The following ZRANB3 variants were observed in gnomAD, a reference collection of about 807,000 sequenced individuals.
The protein encoded by ZRANB3 is DNA annealing helicase and endonuclease ZRANB3.
Under a neutral mutation model 133.8 loss-of-function variants are expected in ZRANB3, and 125 were observed. The observed-to-expected ratio is 0.93, with a 90% confidence interval of 0.81 to 1.08. The LOEUF (loss-of-function observed/expected upper bound fraction) is 1.08, where lower values mean the gene tolerates loss of function less well. Among genes scored for constraint, ZRANB3 ranks in the 50% least tolerant of loss-of-function variants. The probability of loss-of-function intolerance (pLI) is 0.00; values close to 1 mark genes in which losing one functional copy is unlikely to be tolerated. For synonymous variants in ZRANB3, 387 were observed against 432.7 expected (o/e 0.89, Z 1.31); for missense variants, 1,229 against 1,275.5 (o/e 0.96, Z 0.56).
intron 2 of ZRANB3, among the ~76,000 whole-genome samples, chr2:135,421,576 T>C (rs563083365): frequency 6.6e-6 from 1 of 152,254 alleles, no homozygotes; most frequent in East Asian, 1.9e-4. Context: ...GACTCCTTCC[T>C]CCCTCTTCCA....
chr2:135,455,171 C>CTTTTTTTTTTTTTT lies in ZRANB3; in HGVS notation c.161+49144_161+49157dup, dbSNP rs1166170814. Among the ~76,000 whole-genome samples, 14 of 37,594 alleles carry CTTTTTTTTTTTTTT rather than the reference C, an allele frequency of 3.7e-4. 1 individual carries two copies. Among genetic ancestry groups the CTTTTTTTTTTTTTT allele is most frequent in the South Asian group, 1.4e-3 (1 of 722 alleles). The allele number at this position is 37,594 out of a possible 152,430, so 24.7% of individuals were successfully genotyped here. Reference sequence around the variant, plus strand: ...AATGGGATCACAATGCCTTCTTATACTTTTTTTTTTTTTTTTTTTTTTTTT... The same window carrying CTTTTTTTTTTTTTT: ...AATGGGATCACAATGCCTTCTTATACTTTTTTTTTTTTTTTTTTTTTTTTTTTTTTTTTTTTTTT... On this transcript the variant is annotated intron_variant, in intron 2 of 20. Coordinates refer to ENST00000264159, the MANE Select transcript of ZRANB3 (RefSeq NM_032143.4).
rs184269148 is a variant in ZRANB3 at position 135,447,071 on chromosome 2, C to A, written c.162-56251G>T. Among the ~76,000 whole-genome samples the A allele has an allele frequency of 3.9e-5, 6 of 152,102 alleles. No homozygotes were observed. The East Asian group carries it at 9.7e-4, about 25-fold the overall frequency. On this transcript the variant is annotated intron_variant, in intron 2 of 20. Coordinates refer to ENST00000264159, the MANE Select transcript of ZRANB3 (RefSeq NM_032143.4). ...TTTTATTTATTTTTTGAGAGACTCT[C>A]GCTCTGTCTGTCACCCAGGCTGGAG...
At chr2:135,356,775 G>A (rs1003310845) in intron 3 of ZRANB3, among the ~76,000 whole-genome samples, 1 of 151,686 alleles carries the variant, frequency 6.6e-6, no homozygotes. Context: ...TGGCGTAATC[G>A]TGGCTCACTG....
intron 6 of ZRANB3, among the ~76,000 whole-genome samples, chr2:135,340,294 T>C (rs1384152524): frequency 6.6e-6 from 1 of 151,650 alleles, no homozygotes; most frequent in Non-Finnish European, 1.5e-5. Context: ...TTATTAGAGA[T>C]GGGGTTTCAC....
intron 2 of ZRANB3, among the ~76,000 whole-genome samples, chr2:135,397,613 T>C (rs1239848038): frequency 6.6e-6 from 1 of 152,172 alleles, no homozygotes; most frequent in Non-Finnish European, 1.5e-5. Context: ...ACCAGAAATA[T>C]TGCTTAATTT....
intron 1 of ZRANB3, among the ~76,000 whole-genome samples, chr2:135,522,163 C>T (rs965435629): frequency 3.9e-5 from 6 of 152,304 alleles, no homozygotes; most frequent in African/African-American, 1.2e-4. Flanking sequence ...TTTAGACACA[C>T]GCCTTTGCTC....
At position 135,499,646 on chromosome 2, in the gene ZRANB3, A is replaced by G. The variant is rs188290673; in HGVS notation, c.161+4683T>C. ...CAGAGAAATGTAAATAAAAACCTCA[A>G]TGTACATCACTATATACCTACCAGA... On this transcript the variant is annotated intron_variant, in intron 2 of 20. Transcript: ENST00000264159. Among the ~76,000 whole-genome samples the G allele has an allele frequency of 7.3e-4, 111 of 152,320 alleles. 1 individual carries two copies. Among genetic ancestry groups the G allele is most frequent in the African/African-American group, 2.6e-3 (110 of 41,578 alleles).
At chr2:135,300,805 T>C (rs1682389475) in intron 8 of ZRANB3, among the ~76,000 whole-genome samples, 1 of 152,190 alleles carries the variant, frequency 6.6e-6, no homozygotes, top group East Asian at 1.9e-4. Context: ...CCTAAGTGGA[T>C]TCTCTGCCTA....
chr2:135,439,060 G>A (rs375104548), intron 2 of ZRANB3, among the ~76,000 whole-genome samples: 3 of 152,208 alleles, frequency 2.0e-5, no homozygotes, highest in South Asian at 4.2e-4. Flanking sequence ...ATTTGCTAAT[G>A]TATAGCAAAT....
chr2:135,304,978 CT>C (rs960515720), intron 8 of ZRANB3, among the ~76,000 whole-genome samples: 30 of 151,042 alleles, frequency 2.0e-4, no homozygotes, highest in African/African-American at 6.5e-4. Flanking sequence ...TTTCAAGTTT[CT>C]TTTTTTTTGT....
At chr2:135,206,073 C>T (rs1428592089) in intron 19 of ZRANB3, among the ~76,000 whole-genome samples, 2 of 152,000 alleles carry the variant, frequency 1.3e-5, no homozygotes, top group Non-Finnish European at 2.9e-5. Context: ...TACAGGAAGA[C>T]AAATCCAGAA....
At position 135,292,609 on chromosome 2, in the gene ZRANB3, A is replaced by G. The variant is rs551660826; in HGVS notation, c.967-16854T>C. On this transcript the variant is annotated intron_variant, in intron 8 of 20. Transcript: ENST00000264159. ...AAGCTCTTTAGTTTAATTAGATCCC[A>G]TTTGACAATTTTGGCTTTTGTTGCC... Among the ~76,000 whole-genome samples the G allele has an allele frequency of 7.9e-5, 12 of 152,226 alleles. No individual in the cohort carries two copies. In the South Asian group the frequency reaches 2.3e-3, roughly 29 times the overall value.
intron 6 of ZRANB3, among the ~76,000 whole-genome samples, chr2:135,343,368 A>G (rs1386059122): frequency 2.0e-5 from 3 of 149,872 alleles, no homozygotes; most frequent in African/African-American, 7.6e-5. Flanking sequence ...TATAATCAAT[A>G]TATTAGGTTT....
chr2:135,224,994 A>T (rs1694701940), intron 14 of ZRANB3, among the ~76,000 whole-genome samples: 1 of 152,220 alleles, frequency 6.6e-6, no homozygotes, highest in African/African-American at 2.4e-5. Context: ...AGATAAGCAG[A>T]CAAGCTTCTT....
chr2:135,264,884 G>C (rs1680150589), intron 12 of ZRANB3, among the ~76,000 whole-genome samples: 1 of 151,978 alleles, frequency 6.6e-6, no homozygotes, highest in African/African-American at 2.4e-5. Context: ...GAGTAGCTGG[G>C]ATTACAGGCA....
At chr2:135,364,906 G>A (rs557530195) in intron 3 of ZRANB3, among the ~76,000 whole-genome samples, 8 of 152,014 alleles carry the variant, frequency 5.3e-5, no homozygotes, top group East Asian at 3.9e-4. Context: ...AAAATTAGCC[G>A]GGCGTGGTGG....
intron 8 of ZRANB3, among the ~76,000 whole-genome samples, chr2:135,292,423 G>A (rs1033278596): frequency 6.6e-6 from 1 of 152,058 alleles, no homozygotes; most frequent in African/African-American, 2.4e-5. Context: ...CATATCCTTC[G>A]CCCACTTTTT....
At chr2:135,389,975 G>C (rs1687153004) in intron 3 of ZRANB3, among the ~76,000 whole-genome samples, 1 of 148,658 alleles carries the variant, frequency 6.7e-6, no homozygotes, top group African/African-American at 2.5e-5. Context: ...CTGCCTCCTG[G>C]GTTCATGCCA....
chr2:135,278,761 G>C (rs1371645866), intron 8 of ZRANB3, among the ~76,000 whole-genome samples: 1 of 152,084 alleles, frequency 6.6e-6, no homozygotes, highest in Non-Finnish European at 1.5e-5. Context: ...AATGAGTTGT[G>C]GAAGAAAACG....
Sources: gnomAD v4.1 joint callset for allele counts (sites outside exome capture counted in the v4.1 genomes callset) on GRCh38, gnomAD v4.1.1 for gene constraint, MANE v1.5 for transcripts, NCBI Gene and HGNC (gene_info 2026-07-23, HGNC 2026-07-21) for gene names.